Variants in JMY observed in about 807,000 individuals in gnomAD.
JMY encodes junction-mediating and -regulatory protein.
JMY carries 46 observed loss-of-function variants against 103.3 expected under a neutral mutation model. That is an observed-to-expected ratio of 0.45 (90% CI 0.35 to 0.57). The LOEUF is 0.57. Among genes scored for constraint, JMY ranks in the 20% least tolerant of loss-of-function variants. The probability of loss-of-function intolerance (pLI) is 0.00; values close to 1 mark genes in which losing one functional copy is unlikely to be tolerated. For missense variants in JMY, 1,238 were observed against 1,255.2 expected (o/e 0.99, Z 0.21); for synonymous variants, 526 against 489.3 (o/e 1.07, Z -0.99).
intron 1 of JMY, among the ~76,000 whole-genome samples, chr5:79,274,556 C>T (rs1745882197): frequency 6.6e-6 from 1 of 151,970 alleles, no homozygotes; most frequent in Non-Finnish European, 1.5e-5. Context: ...TGTAGGTGTG[C>T]TCCTCCACAC....
In JMY at chr5:79,236,905, G is replaced by A. The variant is rs760988203; in HGVS notation, c.255G>A (p.Ala85=). ...SDGSRGPGSP[A]GRGRPEATAS... is the part of the protein sequence containing the mutation. ...GGAGCCGCGGGCCCGGCAGCCCGGC[G>A]GGCAGGGGTCGGCCCGAGGCCACTG... The change falls in exon 1 of 11, where the codon GCG becomes GCA. Residue 85 remains alanine, a synonymous_variant. Coordinates refer to ENST00000396137, the MANE Select transcript of JMY (RefSeq NM_152405.5). The A allele has an allele frequency of 1.1e-4, 153 of 1,356,402 alleles. No homozygotes were observed. In the African/African-American group the frequency reaches 1.9e-3, roughly 17 times the overall value. 84.0% of individuals were successfully genotyped at this position (1,356,402 alleles called of 1,614,324 possible).
intron 1 of JMY, among the ~76,000 whole-genome samples, chr5:79,265,129 T>A (rs1745547657): frequency 6.6e-6 from 1 of 152,208 alleles, no homozygotes; most frequent in South Asian, 2.1e-4. Flanking sequence ...TTTCACCTTG[T>A]TAGCCAGGAT....
At chr5:79,259,614 C>G (rs1186929699) in intron 1 of JMY, among the ~76,000 whole-genome samples, 1 of 152,276 alleles carries the variant, frequency 6.6e-6, no homozygotes, top group Non-Finnish European at 1.5e-5. Context: ...CTTGGCCTCT[C>G]TTCTGTGCTC....
At chr5:79,281,908 T>G (rs1221825343) in intron 2 of JMY, among the ~76,000 whole-genome samples, 1 of 152,178 alleles carries the variant, frequency 6.6e-6, no homozygotes, top group Non-Finnish European at 1.5e-5. Flanking sequence ...TTGTGATACC[T>G]TTATTTGAAA....
chr5:79,322,598 GCATTTCACCATCTTCACATGCA>G lies in JMY; in HGVS notation c.*998_*1019del, dbSNP rs1747492773. The G allele has an allele frequency of 6.6e-6, 1 of 152,168 alleles. No homozygotes were observed. The highest frequency in any genetic ancestry group is 2.1e-4 in the South Asian group (1 of 4,822). The allele number at this position is 152,168 out of a possible 1,614,324, so 9.4% of individuals were successfully genotyped here. On this transcript the variant is annotated 3_prime_UTR_variant, in exon 11 of 11. Transcript: ENST00000396137. ...AAGTAGAGACAAGTCTCCGTGGCTG[GCATTTCACCATCTTCACATGCA>G]CTGAATGGAATTTTGGGAGAATGCC...
Position 79,287,120 on chromosome 5 carries a change from T to C in JMY, c.1207-3001T>C, listed in dbSNP as rs529009643. 2.0e-3 allele frequency among the ~76,000 whole-genome samples: 307 copies of C among 152,238 alleles called. 2 individuals are homozygous for C. Among genetic ancestry groups the C allele is most frequent in the African/African-American group, 7.3e-3 (302 of 41,544 alleles). On this transcript the variant is annotated intron_variant, in intron 2 of 10. Coordinates refer to ENST00000396137, the MANE Select transcript of JMY (RefSeq NM_152405.5). ...TTGGTTTGTCTTGGGGGTTGTACTA[T>C]GAGCCTAGGGTTGAAAAAACTGCAA...
chr5:79,314,407 G>A lies in JMY; in HGVS notation c.2215G>A (p.Glu739Lys). Residue 739 changes from glutamate to lysine, a missense_variant, in exon 9 of 11, where the codon GAA (glutamate) becomes AAA (lysine). Transcript: ENST00000396137. ...AGAAGAGAAAACTGAAGAGGTGGGA[G>A]AAGGAAGAGTCAAGCGTGGGCCATC... Reference protein sequence around the residue: ...QVEEKTEEVGEGRVKRGPSQT... With the variant: ...QVEEKTEEVGKGRVKRGPSQT... The A allele has an allele frequency of 6.2e-7, 1 of 1,614,142 alleles. No individual in the cohort carries two copies. The highest frequency in any genetic ancestry group is 8.5e-7 in the Non-Finnish European group (1 of 1,180,018).
At chr5:79,299,545 G>C (rs1372279834) in intron 4 of JMY, among the ~76,000 whole-genome samples, 2 of 151,412 alleles carry the variant, frequency 1.3e-5, no homozygotes, top group Non-Finnish European at 2.9e-5. Flanking sequence ...GAAATTTCTG[G>C]ATCTCACTTT....
intron 4 of JMY, among the ~76,000 whole-genome samples, chr5:79,291,990 C>T (rs1746435828): frequency 6.6e-6 from 1 of 152,138 alleles, no homozygotes; most frequent in Admixed American, 6.5e-5. Flanking sequence ...CAAGATGGTT[C>T]TCATTGACAT....
intron 1 of JMY, among the ~76,000 whole-genome samples, chr5:79,266,580 T>C (rs780494286): frequency 3.3e-5 from 5 of 152,230 alleles, no homozygotes; most frequent in Non-Finnish European, 7.3e-5. Flanking sequence ...TATCCTGTTT[T>C]TGTGTTGGGT....
At chr5:79,247,769 C>T (rs1376186138) in intron 1 of JMY, among the ~76,000 whole-genome samples, 1 of 152,008 alleles carries the variant, frequency 6.6e-6, no homozygotes, top group African/African-American at 2.4e-5. Context: ...TCTCCTGCCT[C>T]AGCCTCCCAA....
In JMY at chr5:79,316,005, T is replaced by C; in HGVS notation, c.2665T>C (p.Ser889Pro). ...AEGLQRRRVSSPMDEVLASLK... is the reference protein window; with the variant it reads ...AEGLQRRRVSPPMDEVLASLK... ...TTCTGTTTCATTTTCCAAAGTGAGCTCACCCATGGATGAGGTGCTAGCCTC... is the reference window on the plus strand; with the variant it reads ...TTCTGTTTCATTTTCCAAAGTGAGCCCACCCATGGATGAGGTGCTAGCCTC... The change falls in exon 10 of 11, where the codon TCA becomes CCA. Residue 889 changes from serine (S) to proline (P), a missense_variant. Physicochemically the swap from Ser to Pro is moderately conservative, Grantham distance 74 (BLOSUM62 -1). Coordinates refer to ENST00000396137, the MANE Select transcript of JMY (RefSeq NM_152405.5). The C allele has an allele frequency of 1.9e-6, 3 of 1,613,112 alleles. No homozygotes were observed. Among genetic ancestry groups the C allele is most frequent in the African/African-American group, 1.3e-5 (1 of 74,954 alleles).
rs62363099 is a variant in JMY at position 79,314,606 on chromosome 5, C to A, written c.2414C>A (p.Ser805Tyr). Residue 805 changes from serine to tyrosine, a missense_variant, in exon 9 of 11, where the codon TCC becomes TAC. Physicochemically the swap from Ser to Tyr is moderately radical, Grantham distance 144. Transcript: ENST00000396137. ...TCTGTTACCATAAATCCACTCCCAT[C>A]CCCTCTTCCTCCAACACCACCACCT... is the stretch of plus-strand genomic sequence containing the variant. ...PCSVTINPLP[S>Y]PLPPTPPPPP... The A allele has an allele frequency of 2.5e-6, 4 of 1,613,286 alleles. No individual in the cohort carries two copies. In the South Asian group the frequency reaches 4.4e-5, roughly 18 times the overall value.
chr5:79,236,341 C>G lies in JMY; in HGVS notation c.-310C>G, dbSNP rs1744490095. The G allele has an allele frequency of 4.4e-6, 1 of 225,326 alleles. No homozygotes were observed. Among genetic ancestry groups the G allele is most frequent in the Non-Finnish European group, 8.6e-6 (1 of 116,328 alleles). The allele number at this position is 225,326 out of a possible 1,614,324, so 14.0% of individuals were successfully genotyped here. On this transcript the variant is annotated 5_prime_UTR_variant, in exon 1 of 11. Transcript: ENST00000396137. ...CGCCGCAGACGCAGCTCCACGGCCT[C>G]GCGCGGGGGGCGGCGGGCGGCCGCG... is the stretch of plus-strand genomic sequence containing the variant.
chr5:79,271,988 T>A (rs1458108889), intron 1 of JMY, among the ~76,000 whole-genome samples: 1 of 152,038 alleles, frequency 6.6e-6, no homozygotes, highest in Non-Finnish European at 1.5e-5. Flanking sequence ...GGTGCACACC[T>A]GTAATCCCAG....
intron 2 of JMY, among the ~76,000 whole-genome samples, chr5:79,285,698 C>G (rs1665985369): frequency 6.6e-6 from 1 of 152,088 alleles, no homozygotes; most frequent in Non-Finnish European, 1.5e-5. Flanking sequence ...CAAGAGTCAT[C>G]TTCAGGCAAC....
At chr5:79,314,954 A>C (rs1290751841) in intron 9 of JMY, 103 bp downstream of exon 9, 1 of 1,073,718 alleles carries the variant, frequency 9.3e-7, no homozygotes, top group African/African-American at 1.6e-5. Flanking sequence ...TATTTTTGAC[A>C]TTATTTGATA....
intron 4 of JMY, 152 bp from the exon 5 acceptor site, chr5:79,300,001 T>TA (rs75859244): frequency 7.6e-5 from 34 of 448,200 alleles, no homozygotes; most frequent in Admixed American, 1.5e-4. Context: ...TATATATATA[T>TA]TTTTAAAGTC....
At chr5:79,298,312 G>A (rs1022718677) in intron 4 of JMY, among the ~76,000 whole-genome samples, 8 of 152,182 alleles carry the variant, frequency 5.3e-5, no homozygotes, top group Non-Finnish European at 1.5e-5. Flanking sequence ...TCTAACATTA[G>A]ATATCTTACC....
Sources: gnomAD v4.1 joint callset for allele counts (sites outside exome capture counted in the v4.1 genomes callset) on GRCh38, gnomAD v4.1.1 for gene constraint, MANE v1.5 for transcripts, NCBI Gene and HGNC (gene_info 2026-07-23, HGNC 2026-07-21) for gene names.